ZNF385D: variants seen among roughly 807,000 people sequenced by gnomAD.
ZNF385D encodes zinc finger protein 385D, also known as zinc finger protein 659.
Under a neutral mutation model 35.8 loss-of-function variants are expected in ZNF385D, and 15 were observed. The ratio of observed to expected loss-of-function variants is 0.42; its 90% CI spans 0.28 to 0.64. ZNF385D has a LOEUF of 0.64. ZNF385D is among the 30% of genes least tolerant of loss of function. The pLI, the probability that ZNF385D is intolerant of heterozygous loss-of-function variation, is 0.23. For missense variants in ZNF385D, 474 were observed against 494.6 expected, an observed-to-expected ratio of 0.96 and a Z score of 0.39; for synonymous variants, 212 against 186.8, an observed-to-expected ratio of 1.13 and a Z score of -1.10.
chr3:21,754,539 G>A (rs967725913), upstream of ZNF385D, among the ~76,000 whole-genome samples: 8 of 152,046 alleles, frequency 5.3e-5, no homozygotes, highest in Admixed American at 2.0e-4. Flanking sequence ...TCTAAGATCC[G>A]GGTAGCTGCC....
At chr3:21,456,597 G>A (rs1186836311) in intron 4 of ZNF385D, among the ~76,000 whole-genome samples, 1 of 152,066 alleles carries the variant, frequency 6.6e-6, no homozygotes, top group Non-Finnish European at 1.5e-5. Context: ...GGGGTGGGGG[G>A]AGTAAGGAGG....
chr3:21,892,075 A>G (rs1698897957), intron 3 of ZNF385D, among the ~76,000 whole-genome samples: 1 of 152,194 alleles, frequency 6.6e-6, no homozygotes, highest in African/African-American at 2.4e-5. Flanking sequence ...GGCAACTGAA[A>G]CTTTTCTTCA....
chr3:22,302,298 T>G (rs1702943789), intron 2 of ZNF385D, among the ~76,000 whole-genome samples: 1 of 151,984 alleles, frequency 6.6e-6, no homozygotes, highest in South Asian at 2.1e-4. Flanking sequence ...CAGTATTAAA[T>G]TTTTTATTTC....
chr3:21,478,214 T>C (rs1234644549), intron 4 of ZNF385D, among the ~76,000 whole-genome samples: 1 of 152,124 alleles, frequency 6.6e-6, no homozygotes, highest in African/African-American at 2.4e-5. Flanking sequence ...ATGTGTATTA[T>C]ATAAACAAAT....
chr3:22,008,415 C>A (rs914260706), intron 3 of ZNF385D, among the ~76,000 whole-genome samples: 2 of 140,276 alleles, frequency 1.4e-5, no homozygotes, highest in African/African-American at 2.8e-5. Flanking sequence ...TGCAGTGGCC[C>A]GATCTCGGCT....
intron 3 of ZNF385D, among the ~76,000 whole-genome samples, chr3:21,807,719 G>C (rs1238657120): frequency 6.6e-6 from 1 of 152,080 alleles, no homozygotes; most frequent in Non-Finnish European, 1.5e-5. Context: ...TAACAAAATA[G>C]GAGCATCATT....
chr3:21,751,053 T>G lies in ZNF385D; in HGVS notation c.-137A>C. ...TGGAGAGCAGTGAGCGCCGAGAGCG[T>G]GCCTCCTCCGCGGGATGAGCGCCTT... On this transcript the variant is annotated 5_prime_UTR_variant, in exon 1 of 8. Transcript: ENST00000281523. The G allele has an allele frequency of 1.3e-6, 2 of 1,544,426 alleles. No homozygotes were observed. The highest frequency in any genetic ancestry group is 1.7e-6 in the Non-Finnish European group (2 of 1,145,326).
chr3:21,540,378 C>T (rs562920860), intron 3 of ZNF385D, among the ~76,000 whole-genome samples: 1 of 152,110 alleles, frequency 6.6e-6, no homozygotes, highest in Non-Finnish European at 1.5e-5. Flanking sequence ...AAATGCTTTT[C>T]CCCTCGGGGG....
intron 3 of ZNF385D, among the ~76,000 whole-genome samples, chr3:22,067,368 A>T (rs1700009457): frequency 6.6e-6 from 1 of 152,198 alleles, no homozygotes; most frequent in East Asian, 1.9e-4. Flanking sequence ...TAAAATGCCT[A>T]ATATCATTTT....
Position 21,456,642 on chromosome 3 carries a change from A to G in ZNF385D, c.440-19439T>C, listed in dbSNP as rs542630299. On this transcript the variant is annotated intron_variant, in intron 4 of 7. Coordinates refer to ENST00000281523, the MANE Select transcript of ZNF385D (RefSeq NM_024697.3). Reference sequence around the variant, plus strand: ...AGGAGATATACCTAATGTAAATGACAAGTTAATGGGTGCAGTACACCAACA... The same window carrying G: ...AGGAGATATACCTAATGTAAATGACGAGTTAATGGGTGCAGTACACCAACA... Among the ~76,000 whole-genome samples, 13 of 152,218 alleles carry G rather than the reference A, an allele frequency of 8.5e-5. No individual in the cohort carries two copies. In the East Asian group the frequency reaches 9.7e-4, roughly 11 times the overall value.
chr3:21,732,595 T>C (rs1321498857), intron 1 of ZNF385D, among the ~76,000 whole-genome samples: 1 of 152,208 alleles, frequency 6.6e-6, no homozygotes, highest in Non-Finnish European at 1.5e-5. Context: ...GATAGCTGTG[T>C]AGTAATATCT....
intron 3 of ZNF385D, among the ~76,000 whole-genome samples, chr3:21,911,836 A>T (rs963706971): frequency 6.6e-6 from 1 of 151,968 alleles, no homozygotes; most frequent in Non-Finnish European, 1.5e-5. Flanking sequence ...GTGGTGCTTT[A>T]TAAGACAAAT....
At chr3:22,306,788 G>A (rs1252179914) in intron 2 of ZNF385D, among the ~76,000 whole-genome samples, 2 of 152,132 alleles carry the variant, frequency 1.3e-5, no homozygotes, top group East Asian at 1.9e-4. Flanking sequence ...TCCAGGCTAG[G>A]CTTACTGGAT....
At chr3:21,838,084 T>C (rs1299944631) in intron 3 of ZNF385D, among the ~76,000 whole-genome samples, 2 of 152,030 alleles carry the variant, frequency 1.3e-5, no homozygotes, top group African/African-American at 4.8e-5. Flanking sequence ...ACAGTAGCAA[T>C]CTTAATGGCA....
chr3:21,428,526 C>G (rs1701127490), intron 5 of ZNF385D, among the ~76,000 whole-genome samples: 1 of 152,212 alleles, frequency 6.6e-6, no homozygotes, highest in Non-Finnish European at 1.5e-5. Flanking sequence ...CTTTTCTAAA[C>G]TTGGAATTTG....
intron 2 of ZNF385D, among the ~76,000 whole-genome samples, chr3:22,359,064 AC>A (rs1176247277): frequency 2.0e-4 from 30 of 146,444 alleles, no homozygotes; most frequent in Admixed American, 1.0e-3. Flanking sequence ...AAACAAACAA[AC>A]AAAAAAACCA....
chr3:21,803,862 T>C (rs1313182230), intron 3 of ZNF385D, among the ~76,000 whole-genome samples: 3 of 152,196 alleles, frequency 2.0e-5, no homozygotes, highest in Non-Finnish European at 1.5e-5. Context: ...CAGGTTCCCA[T>C]GGGATAATTA....
chr3:22,264,919 C>G (rs974088802), intron 2 of ZNF385D, among the ~76,000 whole-genome samples: 1 of 151,914 alleles, frequency 6.6e-6, no homozygotes, highest in Non-Finnish European at 1.5e-5. Flanking sequence ...AAAGAAGCAG[C>G]CCTCTAATCT....
chr3:22,340,259 C>T (rs1051889515), intron 2 of ZNF385D, among the ~76,000 whole-genome samples: 1 of 152,116 alleles, frequency 6.6e-6, no homozygotes, highest in Admixed American at 6.5e-5. Flanking sequence ...CTATGTTAGA[C>T]CACAAAGAAC....
Sources: allele counts gnomAD v4.1 joint callset (sites outside exome capture counted in the v4.1 genomes callset), GRCh38; gene constraint gnomAD v4.1.1; transcripts MANE v1.5; gene names NCBI Gene and HGNC (gene_info 2026-07-23, HGNC 2026-07-21).